The following CPQ variants were observed in gnomAD, a reference collection of about 807,000 sequenced individuals.
CPQ encodes carboxypeptidase Q.
In CPQ, 37 loss-of-function variants were observed where a neutral mutation model predicts 45.7. The observed-to-expected ratio is 0.81, with a 90% CI of 0.62 to 1.07. CPQ has a LOEUF of 1.07. CPQ is among the 50% of genes least tolerant of loss of function. The probability of loss-of-function intolerance (pLI) is 0.00; values close to 1 mark genes in which losing one functional copy is unlikely to be tolerated. For missense variants in CPQ, 537 were observed against 572.9 expected, an observed-to-expected ratio of 0.94 and a Z score of 0.64; for synonymous variants, 186 against 205.8, an observed-to-expected ratio of 0.90 and a Z score of 0.82.
chr8:96,928,206 A>G (rs1586455544), intron 4 of CPQ, among the ~76,000 whole-genome samples: 1 of 152,212 alleles, frequency 6.6e-6, no homozygotes, highest in South Asian at 2.1e-4. Context: ...TTCAGTTCCA[A>G]ACCCTGGGGC....
chr8:97,019,261 A>T (rs1245511562), intron 5 of CPQ, among the ~76,000 whole-genome samples: 3 of 152,222 alleles, frequency 2.0e-5, no homozygotes, highest in Non-Finnish European at 4.4e-5. Context: ...CTGGAAACAC[A>T]TCAAAACAGA....
At chr8:96,885,848 C>T (rs1304668549) in intron 4 of CPQ, among the ~76,000 whole-genome samples, 1 of 151,882 alleles carries the variant, frequency 6.6e-6, no homozygotes, top group Non-Finnish European at 1.5e-5. Flanking sequence ...AAAAGTTAGC[C>T]GGGTGTGGTG....
chr8:96,686,174 C>T (rs2514774), intron 1 of CPQ, among the ~76,000 whole-genome samples: 106,381 of 151,344 alleles, frequency 0.7, 37,799 homozygotes, highest in Middle Eastern at 0.82. Flanking sequence ...AGTTTTATCT[C>T]TTAAAATTTT....
At chr8:97,092,660 T>C (rs934714442) in intron 7 of CPQ, 2 of 152,086 alleles carry the variant, frequency 1.3e-5, no homozygotes, top group Non-Finnish European at 2.9e-5. Context: ...TCACCATACA[T>C]AAAAATCAAC....
intron 7 of CPQ, among the ~76,000 whole-genome samples, chr8:97,119,432 T>G (rs1156342683): frequency 7.1e-6 from 1 of 141,590 alleles, no homozygotes; most frequent in Non-Finnish European, 1.5e-5. Context: ...CTGATTCTGT[T>G]TCTTACACTG....
At chr8:97,124,360 C>G (rs959204383) in intron 7 of CPQ, among the ~76,000 whole-genome samples, 7 of 151,774 alleles carry the variant, frequency 4.6e-5, no homozygotes, top group African/African-American at 1.5e-4. Context: ...CACTTCTCAG[C>G]AGTTGTTAGA....
chr8:96,666,017 T>G (rs1280332635), intron 1 of CPQ, among the ~76,000 whole-genome samples: 1 of 151,826 alleles, frequency 6.6e-6, no homozygotes, highest in Admixed American at 6.6e-5. Context: ...AGCACCAGGG[T>G]CAGTTAGGAA....
intron 1 of CPQ, among the ~76,000 whole-genome samples, chr8:96,666,748 C>T (rs1001266102): frequency 1.3e-5 from 2 of 152,184 alleles, no homozygotes; most frequent in Non-Finnish European, 2.9e-5. Flanking sequence ...AGCTCTCGTA[C>T]ACCATGTATT....
chr8:97,067,341 A>G (rs938302022), intron 7 of CPQ, among the ~76,000 whole-genome samples: 5 of 152,204 alleles, frequency 3.3e-5, no homozygotes, highest in Non-Finnish European at 4.4e-5. Context: ...CCTCAACACC[A>G]TTATATCCAT....
intron 6 of CPQ, among the ~76,000 whole-genome samples, chr8:97,030,871 G>T (rs1484958876): frequency 3.3e-5 from 5 of 152,150 alleles, no homozygotes; most frequent in Non-Finnish European, 5.9e-5. Flanking sequence ...GGAAAATGGA[G>T]AGGGAGGGAG....
At chr8:96,778,081 T>G (rs977543119) in intron 1 of CPQ, among the ~76,000 whole-genome samples, 2 of 151,738 alleles carry the variant, frequency 1.3e-5, no homozygotes, top group Admixed American at 1.3e-4. Context: ...TAAGTTTTAT[T>G]CTGTCTATAT....
At chr8:97,090,958 C>T (rs1811115284) in intron 7 of CPQ, among the ~76,000 whole-genome samples, 1 of 152,154 alleles carries the variant, frequency 6.6e-6, no homozygotes, top group African/African-American at 2.4e-5. Flanking sequence ...TTGTCTAAGA[C>T]CAAGAACACA....
At chr8:97,091,756 A>T (rs915973950) in intron 7 of CPQ, among the ~76,000 whole-genome samples, 1 of 152,184 alleles carries the variant, frequency 6.6e-6, no homozygotes, top group Admixed American at 6.6e-5. Context: ...GGTTTCTCCC[A>T]TGAAGCAGTG....
chr8:96,764,031 AG>A (rs1810438203), intron 1 of CPQ, among the ~76,000 whole-genome samples: 1 of 152,146 alleles, frequency 6.6e-6, no homozygotes, highest in Admixed American at 6.5e-5. Flanking sequence ...TAGAAATGAA[AG>A]CATATGCCCA....
At chr8:97,062,014 C>A (rs958888528) in intron 6 of CPQ, among the ~76,000 whole-genome samples, 1 of 152,094 alleles carries the variant, frequency 6.6e-6, no homozygotes, top group Non-Finnish European at 1.5e-5. Context: ...ACCTTTGAAA[C>A]CTTCTTTATT....
chr8:96,744,385 C>T (rs1264592899), intron 1 of CPQ, among the ~76,000 whole-genome samples: 3 of 152,222 alleles, frequency 2.0e-5, no homozygotes, highest in Non-Finnish European at 4.4e-5. Context: ...CTGGCACTCC[C>T]TAATGAGATG....
At chr8:97,039,271 T>A (rs1174485091) in intron 6 of CPQ, among the ~76,000 whole-genome samples, 2 of 152,190 alleles carry the variant, frequency 1.3e-5, no homozygotes, top group East Asian at 3.8e-4. Context: ...GGAAAATATA[T>A]TTTAAAGGAT....
chr8:96,744,346 G>A (rs1056763162), intron 1 of CPQ, among the ~76,000 whole-genome samples: 1 of 152,216 alleles, frequency 6.6e-6, no homozygotes, highest in Non-Finnish European at 1.5e-5. Flanking sequence ...CTCGCACAGT[G>A]CGCGCACCCA....
At chr8:96,916,914 G>A (rs1018883219) in intron 4 of CPQ, among the ~76,000 whole-genome samples, 1 of 152,078 alleles carries the variant, frequency 6.6e-6, no homozygotes, top group Non-Finnish European at 1.5e-5. Flanking sequence ...AGACCACAGA[G>A]GTAAATTGCC....
Sources: gnomAD v4.1 joint callset for allele counts (sites outside exome capture counted in the v4.1 genomes callset) on GRCh38, gnomAD v4.1.1 for gene constraint, MANE v1.5 for transcripts, NCBI Gene and HGNC (gene_info 2026-07-23, HGNC 2026-07-21) for gene names.